DTHD1: variants seen among roughly 807,000 people sequenced by gnomAD.
DTHD1 encodes death domain-containing protein 1.
A neutral mutation model predicts 74.8 loss-of-function variants in DTHD1; 59 were observed. The ratio of observed to expected loss-of-function variants is 0.79; its 90% CI spans 0.64 to 0.98. The LOEUF (loss-of-function observed/expected upper bound fraction) is 0.98. Ranked by LOEUF, DTHD1 falls within the 50% of genes least tolerant of loss-of-function variation. DTHD1 has a pLI of 0.00. For missense variants in DTHD1, 1,051 were observed against 1,065.4 expected (o/e 0.99, Z 0.19); for synonymous variants, 365 against 371.1 (o/e 0.98, Z 0.19).
chr4:36,297,762 G>A (rs1291293101), intron 5 of DTHD1, among the ~76,000 whole-genome samples: 1 of 152,152 alleles, frequency 6.6e-6, no homozygotes, highest in Non-Finnish European at 1.5e-5. Context: ...ACGTGTGCAT[G>A]GGTGGGGTTG....
chr4:36,312,064 G>C (rs1373080641), intron 7 of DTHD1, among the ~76,000 whole-genome samples: 1 of 151,998 alleles, frequency 6.6e-6, no homozygotes, highest in East Asian at 1.9e-4. Flanking sequence ...ACGGTTTTTG[G>C]CATTCTTCTG....
chr4:36,345,863 T>A lies in DTHD1; in HGVS notation c.*2039T>A, dbSNP rs1342652990. The A allele has an allele frequency of 6.6e-6, 1 of 152,434 alleles. No individual in the cohort carries two copies. The highest frequency in any genetic ancestry group is 1.5e-5 in the Non-Finnish European group (1 of 68,030). The allele number at this position is 152,434 out of a possible 1,614,324, so 9.4% of individuals were successfully genotyped here. On this transcript the variant is annotated 3_prime_UTR_variant, in exon 10 of 10. Transcript: ENST00000639862. ...CTATTTCTATCGGTATAGATGTATC[T>A]AAGGACACTCACATATGTGTTCACC...
In DTHD1 at chr4:36,343,667, G is replaced by C. The variant is rs770971496; in HGVS notation, c.2564G>C (p.Trp855Ser). ...TEQIHEFLCF[W>S]KKSLPTFTDK... ...CAGATCCACGAGTTTCTTTGCTTCT[G>C]GAAAAAATCGCTTCCAACTTTCACC... The change falls in exon 10 of 10, where the codon TGG becomes TCG. Residue 855 changes from tryptophan to serine, a missense_variant. Transcript: ENST00000639862. The C allele has an allele frequency of 2.6e-6, 4 of 1,551,752 alleles. No homozygotes were observed. The highest frequency in any genetic ancestry group is 3.5e-6 in the Non-Finnish European group (4 of 1,146,940).
At chr4:36,326,058 T>C (rs1578481970) in intron 8 of DTHD1, among the ~76,000 whole-genome samples, 3 of 152,158 alleles carry the variant, frequency 2.0e-5, no homozygotes, top group African/African-American at 4.8e-5. Context: ...TCATAACCTT[T>C]TTATATTACA....
Position 36,308,454 on chromosome 4 carries a change from C to G in DTHD1, c.2056C>G (p.Gln686Glu), listed in dbSNP as rs375987946. The change falls in exon 7 of 10, where the codon CAA (glutamine) becomes GAA (glutamate). Residue 686 changes from glutamine to glutamate, a missense_variant. Physicochemically the swap from Gln to Glu is conservative, Grantham distance 29. Transcript: ENST00000639862. ...TCATTTCCAAGTTCGAGAAGGAGAA[C>G]AACTTCTTTTAAGATTTACTGGAAA... ...SRHFQVREGEQLLLRFTGNIF... is the reference protein window; with the variant it reads ...SRHFQVREGEELLLRFTGNIF... 86 of 1,551,712 alleles carry G rather than the reference C, an allele frequency of 5.5e-5. No homozygotes were observed. The African/African-American group carries it at 9.8e-4, about 18-fold the overall frequency.
chr4:36,341,814 T>C (rs940091592), intron 9 of DTHD1, among the ~76,000 whole-genome samples: 2 of 152,120 alleles, frequency 1.3e-5, no homozygotes, highest in South Asian at 2.1e-4. Context: ...TACAGAGATA[T>C]ATGAGACCCT....
intron 8 of DTHD1, among the ~76,000 whole-genome samples, chr4:36,328,453 T>C (rs1260963108): frequency 6.6e-6 from 1 of 152,192 alleles, no homozygotes; most frequent in Non-Finnish European, 1.5e-5. Context: ...TTAATGTACT[T>C]ATTTAGAAAA....
chr4:36,300,797 CA>C (rs1756724823), intron 5 of DTHD1, among the ~76,000 whole-genome samples: 1 of 152,038 alleles, frequency 6.6e-6, no homozygotes, highest in Admixed American at 6.6e-5. Flanking sequence ...TCAACGCAGG[CA>C]AATCTCATTT....
intron 1 of DTHD1, among the ~76,000 whole-genome samples, chr4:36,283,114 A>C (rs896239893): frequency 2.0e-5 from 3 of 152,210 alleles, no homozygotes; most frequent in Non-Finnish European, 4.4e-5. Context: ...TGGGGCCTTA[A>C]ATTACCTATT....
intron 1 of DTHD1, chr4:36,283,733 G>A: frequency 2.0e-6 from 1 of 499,188 alleles, no homozygotes; most frequent in South Asian, 3.4e-5. Context: ...ATCTTTATAA[G>A]CAAGAGGGAT....
chr4:36,307,793 A>G (rs1345991172), intron 6 of DTHD1, among the ~76,000 whole-genome samples: 2 of 152,250 alleles, frequency 1.3e-5, no homozygotes, highest in African/African-American at 4.8e-5. Context: ...TGCCATGTTT[A>G]GAGCTGAGCT....
Position 36,284,263 on chromosome 4 carries a change from G to T in DTHD1, c.559G>T (p.Ala187Ser). 2 of 1,537,162 alleles carry T rather than the reference G, an allele frequency of 1.3e-6. No individual in the cohort carries two copies. The highest frequency in any genetic ancestry group is 1.7e-6 in the Non-Finnish European group (2 of 1,146,844). ...AAAAAATAAAACACATATGAGTTCAGCATTAGTGGAAAAAGAAAACAATAC... is the reference window on the plus strand; with the variant it reads ...AAAAAATAAAACACATATGAGTTCATCATTAGTGGAAAAAGAAAACAATAC... Reference protein sequence around the residue: ...LEKNKTHMSSALVEKENNTSL... With the variant: ...LEKNKTHMSSSLVEKENNTSL... The change falls in exon 2 of 10, where the codon GCA (alanine) becomes TCA (serine). Residue 187 changes from alanine (A) to serine (S), a missense_variant. Transcript: ENST00000639862.
At chr4:36,343,187 C>A (rs996293884) in intron 9 of DTHD1, among the ~76,000 whole-genome samples, 4 of 152,128 alleles carry the variant, frequency 2.6e-5, no homozygotes, top group Non-Finnish European at 5.9e-5. Context: ...TTGCTCCCAC[C>A]CTAGTTTTGC....
At chr4:36,322,642 G>T (rs1758103730) in intron 8 of DTHD1, among the ~76,000 whole-genome samples, 1 of 152,116 alleles carries the variant, frequency 6.6e-6, no homozygotes, top group Non-Finnish European at 1.5e-5. Flanking sequence ...ACAGAAAGAT[G>T]ATGAGGTTTG....
In DTHD1 at chr4:36,314,765, TTTTTTG is replaced by T. The variant is rs1385806580; in HGVS notation, c.2096-1476_2096-1471del. On this transcript the variant is annotated intron_variant, in intron 7 of 9. Transcript: ENST00000639862. ...AATCTGAGTTTTTTTTTTTTTTTTTTTTTTTGCATGCAAATTCCAAATAGTGGAAGA... is the reference window on the plus strand; with the variant it reads ...AATCTGAGTTTTTTTTTTTTTTTTTTCATGCAAATTCCAAATAGTGGAAGA... Among the ~76,000 whole-genome samples, 118 of 139,974 alleles carry T rather than the reference TTTTTTG, an allele frequency of 8.4e-4. 1 individual carries two copies. Among genetic ancestry groups the T allele is most frequent in the Non-Finnish European group, 6.5e-4 (40 of 61,636 alleles). The allele number at this position is 139,974 out of a possible 152,430, so 91.8% of individuals were successfully genotyped here.
chr4:36,339,203 C>T, intron 9 of DTHD1, 34 bp downstream of exon 9: 1 of 1,413,460 alleles, frequency 7.1e-7, no homozygotes, highest in Middle Eastern at 1.7e-4. Flanking sequence ...CATTATAGTG[C>T]TTCCCCACCC....
chr4:36,325,323 G>A (rs1328364305), intron 8 of DTHD1, among the ~76,000 whole-genome samples: 1 of 152,294 alleles, frequency 6.6e-6, no homozygotes. Flanking sequence ...ATTGAGGATG[G>A]AGAAATAGGT....
At chr4:36,335,389 A>AT (rs1310551934) in intron 8 of DTHD1, among the ~76,000 whole-genome samples, 6 of 151,940 alleles carry the variant, frequency 3.9e-5, no homozygotes, top group Admixed American at 6.6e-5. Flanking sequence ...ACACCTGGCT[A>AT]TTTTTTTGTA....
Position 36,316,601 on chromosome 4 carries a change from A to G in DTHD1, c.2340+115A>G, listed in dbSNP as rs2109522720. 3.6e-6 allele frequency: 4 copies of G among 1,108,872 alleles called. No individual in the cohort carries two copies. In the East Asian group the frequency reaches 1.0e-4, roughly 29 times the overall value. 68.7% of individuals were successfully genotyped at this position (1,108,872 alleles called of 1,614,324 possible). Reference sequence around the variant, plus strand: ...CAGTTAAAAGAAAAGGTAAGAATAGAGGTAATAAAGAAGGAGTAGGTAGGT... The same window carrying G: ...CAGTTAAAAGAAAAGGTAAGAATAGGGGTAATAAAGAAGGAGTAGGTAGGT... On this transcript the variant is annotated intron_variant, in intron 8 of 9. Transcript: ENST00000639862.
Sources: gnomAD v4.1 joint callset for allele counts (sites outside exome capture counted in the v4.1 genomes callset) on GRCh38, gnomAD v4.1.1 for gene constraint, MANE v1.5 for transcripts, NCBI Gene and HGNC (gene_info 2026-07-23, HGNC 2026-07-21) for gene names.